MARK2: variants seen among roughly 807,000 people sequenced by gnomAD.
MARK2 encodes serine/threonine-protein kinase MARK2.
Under a neutral mutation model 89.8 loss-of-function variants are expected in MARK2, and 16 were observed. The ratio of observed to expected loss-of-function variants is 0.18; its 90% CI spans 0.12 to 0.27. MARK2 has a LOEUF of 0.27. MARK2 is among the 10% of genes least tolerant of loss of function. MARK2 has a pLI of 1.00. For missense variants in MARK2, 621 were observed against 1,049.9 expected, an observed-to-expected ratio of 0.59 and a Z score of 5.65; for synonymous variants, 382 against 399.5, an observed-to-expected ratio of 0.96 and a Z score of 0.52.
intron 1 of MARK2, among the ~76,000 whole-genome samples, chr11:63,842,831 G>C (rs528170176): frequency 6.6e-6 from 1 of 152,132 alleles, no homozygotes; most frequent in Non-Finnish European, 1.5e-5. Context: ...CTCTTTTCTT[G>C]CTCTTCCTCT....
intron 3 of MARK2, among the ~76,000 whole-genome samples, chr11:63,897,533 A>AG (rs1940511771): frequency 6.6e-6 from 1 of 152,246 alleles, no homozygotes; most frequent in African/African-American, 2.4e-5. Flanking sequence ...GCAAGTGATG[A>AG]GGCCTGAAAT....
In MARK2 at chr11:63,854,593, C is replaced by T. The variant is rs565659826; in HGVS notation, c.54+15033C>T. Among the ~76,000 whole-genome samples the T allele has an allele frequency of 1.1e-4, 16 of 151,588 alleles. No individual in the cohort carries two copies. In the East Asian group the frequency reaches 2.2e-3, roughly 20 times the overall value. ...CTCACGCCTGTAATCCCAACACTTT[C>T]GGAGGCCAAGGCGAGTGGATCACCT... On this transcript the variant is annotated intron_variant, in intron 1 of 18. Coordinates refer to ENST00000402010, the MANE Select transcript of MARK2 (RefSeq NM_001039469.3).
At chr11:63,876,259 T>C (rs1482366576) in intron 1 of MARK2, among the ~76,000 whole-genome samples, 2 of 152,002 alleles carry the variant, frequency 1.3e-5, no homozygotes, top group African/African-American at 4.8e-5. Flanking sequence ...TTCAGGACTC[T>C]CCTGGAGAAA....
intron 1 of MARK2, among the ~76,000 whole-genome samples, chr11:63,852,276 A>C (rs1409680696): frequency 1.3e-5 from 2 of 152,154 alleles, no homozygotes; most frequent in African/African-American, 4.8e-5. Context: ...CTGTGCTCTT[A>C]CTAGGTTTCT....
Position 63,903,251 on chromosome 11 carries a change from C to A in MARK2, c.1514+93C>A. The A allele has an allele frequency of 1.0e-6, 1 of 967,846 alleles. No homozygotes were observed. The allele number at this position is 967,846 out of a possible 1,614,324, so 60.0% of individuals were successfully genotyped here. On this transcript the variant is annotated intron_variant, in intron 14 of 18. Transcript: ENST00000402010. The surrounding 1 kb of genome is among the most constrained non-coding windows in gnomAD (Gnocchi z 5.1). ...CAGCACCGTCTCCTGTCCCTGCCAG[C>A]GCATTGCTCCCTGCTCCCTGGAGTT...
Position 63,909,225 on chromosome 11 carries a change from G to C in MARK2, c.2355G>C (p.Glu785Asp), listed in dbSNP as rs759144214. The change falls in exon 19 of 19, where the codon GAG becomes GAC. Residue 785 changes from glutamate to aspartate, a missense_variant. By Grantham distance (45) the Glu-to-Asp change is conservative. Transcript: ENST00000402010. ...FKNIASKIANELKL is the reference protein window; with the variant it reads ...FKNIASKIANDLKL ...ACATTGCCTCCAAAATAGCCAACGA[G>C]CTGAAGCTTTAACAGGCTGCCAGGA... 6.3e-7 allele frequency: 1 copy of C among 1,588,620 alleles called. No homozygotes were observed. The highest frequency in any genetic ancestry group is 1.1e-5 in the South Asian group (1 of 90,430).
At chr11:63,908,569 AT>A (rs1315672721) in intron 18 of MARK2, among the ~76,000 whole-genome samples, 1 of 152,112 alleles carries the variant, frequency 6.6e-6, no homozygotes, top group Non-Finnish European at 1.5e-5. Context: ...CCCCTGGACT[AT>A]CCCACCTCCC....
intron 1 of MARK2, among the ~76,000 whole-genome samples, chr11:63,843,710 C>T (rs140433205): frequency 3.5e-4 from 53 of 152,048 alleles, no homozygotes; most frequent in African/African-American, 1.1e-3. Context: ...CTGCAACCTC[C>T]GCCTCCCGGG....
At position 63,909,331 on chromosome 11, in the gene MARK2, T is replaced by C. The variant is rs1941601135; in HGVS notation, c.*94T>C. On this transcript the variant is annotated 3_prime_UTR_variant, in exon 19 of 19. Coordinates refer to ENST00000402010, the MANE Select transcript of MARK2 (RefSeq NM_001039469.3). ...ACCTGGGCGAGACTGCAGCGATGGA[T>C]TGGTGTGTCTCCCCTGCTGGCACTT... 1.5e-6 allele frequency: 2 copies of C among 1,312,168 alleles called. No individual in the cohort carries two copies. The highest frequency in any genetic ancestry group is 1.5e-5 in the South Asian group (1 of 65,364). The allele number at this position is 1,312,168 out of a possible 1,614,324, so 81.3% of individuals were successfully genotyped here.
chr11:63,848,538 A>G (rs1590963897), intron 1 of MARK2, among the ~76,000 whole-genome samples: 1 of 144,716 alleles, frequency 6.9e-6, no homozygotes, highest in African/African-American at 2.6e-5. Context: ...ATGTGCCAGC[A>G]CACCCGGCTA....
intron 1 of MARK2, among the ~76,000 whole-genome samples, chr11:63,856,316 TTTTTG>T (rs745988947): frequency 1.7e-4 from 9 of 54,196 alleles, no homozygotes; most frequent in Admixed American, 4.1e-4. Context: ...GGGTTTTTTT[TTTTTG>T]TTTTTTTTTT....
At chr11:63,882,708 A>G (rs541549195) in intron 1 of MARK2, 64 of 152,306 alleles carry the variant, frequency 4.2e-4, no homozygotes, top group African/African-American at 1.5e-3. Context: ...CTGGGTTATC[A>G]CTACAGTCTA....
At chr11:63,895,872 G>C (rs552176425) in intron 3 of MARK2, among the ~76,000 whole-genome samples, 13 of 151,860 alleles carry the variant, frequency 8.6e-5, no homozygotes, top group Non-Finnish European at 1.6e-4. Flanking sequence ...GTTTCACCAT[G>C]GTAGCCAGGC....
intron 1 of MARK2, among the ~76,000 whole-genome samples, chr11:63,894,300 C>T (rs958764665): frequency 1.3e-5 from 2 of 152,184 alleles, no homozygotes; most frequent in South Asian, 2.1e-4. Context: ...GTGGGGCATT[C>T]GTAGTTCAGC....
chr11:63,850,606 A>G (rs1017884718), intron 1 of MARK2, among the ~76,000 whole-genome samples: 7 of 152,092 alleles, frequency 4.6e-5, no homozygotes, highest in Non-Finnish European at 8.8e-5. Flanking sequence ...AGAAAAAAAA[A>G]CACCACCCAC....
intron 1 of MARK2, among the ~76,000 whole-genome samples, chr11:63,856,079 G>A (rs2016821569): frequency 6.6e-6 from 1 of 152,158 alleles, no homozygotes; most frequent in Non-Finnish European, 1.5e-5. Flanking sequence ...GACAAAACAT[G>A]GGGCCCTTGT....
chr11:63,872,774 A>G (rs1215300544), intron 1 of MARK2, among the ~76,000 whole-genome samples: 1 of 151,990 alleles, frequency 6.6e-6, no homozygotes, highest in Non-Finnish European at 1.5e-5. Flanking sequence ...CAGAGATTGG[A>G]GCTCCTGCAA....
chr11:63,886,779 G>A (rs1490664712), intron 1 of MARK2, among the ~76,000 whole-genome samples: 2 of 152,176 alleles, frequency 1.3e-5, no homozygotes, highest in Non-Finnish European at 1.5e-5. Flanking sequence ...TTTTCTGTTT[G>A]TAGTCAGTGC....
chr11:63,882,899 T>A (rs1939181174), intron 1 of MARK2, among the ~76,000 whole-genome samples: 1 of 152,180 alleles, frequency 6.6e-6, no homozygotes, highest in African/African-American at 2.4e-5. Flanking sequence ...GGTTAGGATC[T>A]GCTGCCTCCC....
Sources: gnomAD v4.1 joint callset for allele counts (sites outside exome capture counted in the v4.1 genomes callset) on GRCh38, gnomAD v4.1.1 for gene constraint, Gnocchi (gnomAD v3.1) non-coding constraint, MANE v1.5 for transcripts, NCBI Gene and HGNC (gene_info 2026-07-23, HGNC 2026-07-21) for gene names.